Variants in THAP12 observed in about 807,000 individuals in gnomAD.
THAP12 encodes 52 kDa repressor of the inhibitor of the protein kinase.
In THAP12, 20 loss-of-function variants were observed where a neutral mutation model predicts 63.0. The ratio of observed to expected loss-of-function variants is 0.32; its 90% CI spans 0.22 to 0.46. THAP12 has a LOEUF of 0.46. THAP12 is among the 20% of genes least tolerant of loss of function. The pLI is 1.00. For synonymous variants in THAP12, 264 were observed against 328.4 expected, an observed-to-expected ratio of 0.80 and a Z score of 2.12; for missense variants, 568 against 908.2, an observed-to-expected ratio of 0.63 and a Z score of 4.81.
chr11:76,374,615 C>T (rs1445231567), intron 1 of THAP12, among the ~76,000 whole-genome samples: 1 of 152,136 alleles, frequency 6.6e-6, no homozygotes, highest in Non-Finnish European at 1.5e-5. Context: ...TTCTAGAAAA[C>T]ACAACACAAA....
chr11:76,368,696 G>A (rs1057117489), intron 1 of THAP12: 3 of 152,158 alleles, frequency 2.0e-5, no homozygotes, highest in Admixed American at 6.5e-5. Flanking sequence ...ATAGGGCCGA[G>A]TCAGCTGAAT....
chr11:76,351,045 T>C lies in THAP12; in HGVS notation c.2105A>G (p.Lys702Arg), dbSNP rs376836114. Residue 702 changes from lysine to arginine, a missense_variant, in exon 5 of 5, where the codon AAG (lysine) becomes AGG (arginine). By Grantham distance (26) the Lys-to-Arg change is conservative (BLOSUM62 2). Transcript: ENST00000260045. ...VENERYENGR[K>R]RLKAYLRNTL... The stretch of plus-strand genomic sequence containing the variant: ...GTTCCTCAAATATGCTTTAAGACGC[T>C]TTCGTCCATTTTCATACCGCTCATT... 92 of 1,611,904 alleles carry C rather than the reference T, an allele frequency of 5.7e-5. No individual in the cohort carries two copies. Among genetic ancestry groups the C allele is most frequent in the Non-Finnish European group, 7.5e-5 (89 of 1,179,838 alleles).
intron 4 of THAP12, among the ~76,000 whole-genome samples, chr11:76,354,658 C>A (rs1262465026): frequency 6.6e-6 from 1 of 152,164 alleles, no homozygotes; most frequent in East Asian, 1.9e-4. Context: ...AGCCTCCATG[C>A]CTCCAGTGTT....
At chr11:76,371,412 T>A (rs571541678) in intron 1 of THAP12, among the ~76,000 whole-genome samples, 7 of 152,152 alleles carry the variant, frequency 4.6e-5, no homozygotes, top group Non-Finnish European at 1.0e-4. Flanking sequence ...TGAGGGAAAG[T>A]TTTCCTGACT....
chr11:76,377,606 T>C (rs766514113), intron 1 of THAP12, among the ~76,000 whole-genome samples: 1 of 152,250 alleles, frequency 6.6e-6, no homozygotes, highest in Non-Finnish European at 1.5e-5. Flanking sequence ...GGCTAATATT[T>C]CATTGTATTG....
In THAP12 at chr11:76,360,212, A is replaced by G. The variant is rs535909014; in HGVS notation, c.318+744T>C. ...GAATAAGGAAAATTAGATAAATGCTATCTTTAAAAAGCACACAGTAGGTGG... is the reference window on the plus strand; with the variant it reads ...GAATAAGGAAAATTAGATAAATGCTGTCTTTAAAAAGCACACAGTAGGTGG... On this transcript the variant is annotated intron_variant, in intron 3 of 4. Coordinates refer to ENST00000260045, the MANE Select transcript of THAP12 (RefSeq NM_004705.4). Among the ~76,000 whole-genome samples, 12 of 152,352 alleles carry G rather than the reference A, an allele frequency of 7.9e-5. No individual in the cohort carries two copies. The South Asian group carries it at 2.5e-3, about 32-fold the overall frequency.
chr11:76,367,430 A>G (rs139087634), intron 1 of THAP12, among the ~76,000 whole-genome samples: 1 of 149,808 alleles, frequency 6.7e-6, no homozygotes, highest in East Asian at 2.0e-4. Context: ...AGTATCACAA[A>G]TTATTTTTTT....
chr11:76,362,891 C>T lies in THAP12; in HGVS notation c.211-1828G>A, dbSNP rs370621342. ...GAATGTTGGCTCACACCTGTAATTCCAACACTTTGGGAGGCCTTGGCCGGG... is the reference window on the plus strand; with the variant it reads ...GAATGTTGGCTCACACCTGTAATTCTAACACTTTGGGAGGCCTTGGCCGGG... On this transcript the variant is annotated intron_variant, in intron 2 of 4. Coordinates refer to ENST00000260045, the MANE Select transcript of THAP12 (RefSeq NM_004705.4). 1.8e-4 allele frequency among the ~76,000 whole-genome samples: 27 copies of T among 152,234 alleles called. No homozygotes were observed. The East Asian group carries it at 2.1e-3, about 12-fold the overall frequency.
At chr11:76,372,444 C>G (rs1946681378) in intron 1 of THAP12, among the ~76,000 whole-genome samples, 1 of 151,384 alleles carries the variant, frequency 6.6e-6, no homozygotes, top group Admixed American at 6.6e-5. Context: ...GGGCCTCAAT[C>G]TGTCGCCCAG....
chr11:76,360,200 T>G (rs187477679), intron 3 of THAP12, among the ~76,000 whole-genome samples: 58 of 152,310 alleles, frequency 3.8e-4, no homozygotes, highest in African/African-American at 1.0e-3. Context: ...TAAGGAAAAT[T>G]AGATAAATGC....
intron 3 of THAP12, chr11:76,355,893 T>G: frequency 2.9e-6 from 1 of 344,426 alleles, no homozygotes; most frequent in African/African-American, 2.1e-5. Context: ...TACATCATTT[T>G]GCTTATTTTC....
chr11:76,353,964 G>A (rs575904222), intron 4 of THAP12, among the ~76,000 whole-genome samples: 36 of 152,350 alleles, frequency 2.4e-4, no homozygotes, highest in South Asian at 6.2e-4. Context: ...AGCCGAGATC[G>A]TGCCACTGCA....
Position 76,352,726 on chromosome 11 carries a change from C to G in THAP12, c.424G>C (p.Glu142Gln), listed in dbSNP as rs779072571. Reference protein sequence around the residue: ...TNNSNAQNPSEEEGEGQDEDI... With the variant: ...TNNSNAQNPSQEEGEGQDEDI... ...TCATCTTGCCCTTCACCCTCTTCTT[C>G]GCTGGGGTTCTGAGCATTGCTATTG... Residue 142 changes from glutamate to glutamine, a missense_variant, in exon 5 of 5, where the codon GAA (glutamate) becomes CAA (glutamine). By Grantham distance (29) the Glu-to-Gln change is conservative (BLOSUM62 2). Transcript: ENST00000260045. 1.2e-6 allele frequency: 2 copies of G among 1,604,098 alleles called. No homozygotes were observed. Among genetic ancestry groups the G allele is most frequent in the African/African-American group, 1.3e-5 (1 of 74,392 alleles).
chr11:76,360,171 T>C (rs1946588996), intron 3 of THAP12, among the ~76,000 whole-genome samples: 1 of 152,252 alleles, frequency 6.6e-6, no homozygotes, highest in Non-Finnish European at 1.5e-5. Context: ...AATATCTAAA[T>C]AGAAAGGTAA....
intron 2 of THAP12, chr11:76,361,309 TG>T: frequency 2.6e-6 from 1 of 391,416 alleles, no homozygotes; most frequent in Non-Finnish European, 4.6e-6. Flanking sequence ...AAAATGTACT[TG>T]CATTTTGCAT....
intron 4 of THAP12, 111 bp downstream of exon 4, chr11:76,355,507 A>C (rs1946555214): frequency 1.0e-6 from 1 of 958,076 alleles, no homozygotes; most frequent in Non-Finnish European, 1.5e-6. Flanking sequence ...GCACACTCCT[A>C]CATTCATTCT....
intron 3 of THAP12, among the ~76,000 whole-genome samples, chr11:76,359,920 T>C (rs997201583): frequency 6.6e-6 from 1 of 152,114 alleles, no homozygotes; most frequent in East Asian, 1.9e-4. Context: ...AAGTAAGATA[T>C]ATTACAATGC....
intron 2 of THAP12, among the ~76,000 whole-genome samples, chr11:76,364,611 G>A (rs947191447): frequency 6.6e-6 from 1 of 152,104 alleles, no homozygotes; most frequent in African/African-American, 2.4e-5. Flanking sequence ...GAATCACAGA[G>A]GGTTAAAAAT....
intron 3 of THAP12, chr11:76,358,726 T>G (rs537109384): frequency 6.6e-6 from 1 of 152,088 alleles, no homozygotes; most frequent in Non-Finnish European, 1.5e-5. Flanking sequence ...GAGGATTGCT[T>G]CAGCCCAGGA....
Sources: allele counts gnomAD v4.1 joint callset (sites outside exome capture counted in the v4.1 genomes callset), GRCh38; gene constraint gnomAD v4.1.1; transcripts MANE v1.5; gene names NCBI Gene and HGNC (gene_info 2026-07-23, HGNC 2026-07-21).